The following SLC8A1 variants were observed in gnomAD, a reference collection of about 807,000 sequenced individuals.
SLC8A1 encodes the protein solute carrier family 8 member A1, also known as sodium/calcium exchanger 1.
In SLC8A1, 18 loss-of-function variants were observed where a neutral mutation model predicts 68.3. The ratio of observed to expected loss-of-function variants is 0.26; its 90% confidence interval spans 0.18 to 0.39. The LOEUF (loss-of-function observed/expected upper bound fraction) is 0.39, where lower values mean the gene tolerates loss of function less well. Ranked by LOEUF, SLC8A1 falls within the 10% of genes least tolerant of loss-of-function variation. The pLI is 1.00. For missense variants in SLC8A1, 985 were observed against 1,156.7 expected (o/e 0.85, Z 2.15); for synonymous variants, 475 against 415.5 (o/e 1.14, Z -1.74).
chr2:40,251,350 A>G (rs1350484505), intron 2 of SLC8A1: 1 of 152,154 alleles, frequency 6.6e-6, no homozygotes, highest in Non-Finnish European at 1.5e-5. Flanking sequence ...GCTGGCTGGC[A>G]ATACTGCTAA....
At chr2:40,447,159 T>G (rs1185511623) in intron 1 of SLC8A1, among the ~76,000 whole-genome samples, 2 of 152,210 alleles carry the variant, frequency 1.3e-5, no homozygotes, top group Non-Finnish European at 2.9e-5. Context: ...AAACCATTTG[T>G]CTGAATTGGT....
At chr2:40,333,522 A>G (rs144923801) in intron 2 of SLC8A1, among the ~76,000 whole-genome samples, 1 of 152,106 alleles carries the variant, frequency 6.6e-6, no homozygotes, top group East Asian at 1.9e-4. Context: ...GAGGTAACCA[A>G]TGTTATTGGG....
chr2:40,148,552 C>T (rs1365472455), intron 6 of SLC8A1, among the ~76,000 whole-genome samples: 1 of 152,112 alleles, frequency 6.6e-6, no homozygotes, highest in African/African-American at 2.4e-5. Context: ...GCTCAAGGCA[C>T]CCCTCATCTG....
intron 2 of SLC8A1, among the ~76,000 whole-genome samples, chr2:40,185,706 A>G (rs1489061856): frequency 1.3e-5 from 2 of 152,174 alleles, no homozygotes; most frequent in Admixed American, 1.3e-4. Context: ...GAGGACATAT[A>G]AAAACCCAAC....
chr2:40,164,712 C>T (rs2046257565), intron 5 of SLC8A1, 142 bp downstream of exon 8: 1 of 1,158,652 alleles, frequency 8.6e-7, no homozygotes, highest in Non-Finnish European at 1.2e-6. Context: ...AATTTGGCCC[C>T]AAAGGCTCTC....
intron 1 of SLC8A1, among the ~76,000 whole-genome samples, chr2:40,504,120 G>C (rs1385616315): frequency 1.3e-5 from 2 of 151,850 alleles, no homozygotes; most frequent in South Asian, 2.1e-4. Flanking sequence ...TAGACCAATG[G>C]AACAGAATAG....
chr2:40,179,286 A>T (rs1460737745), intron 2 of SLC8A1, among the ~76,000 whole-genome samples: 1 of 152,230 alleles, frequency 6.6e-6, no homozygotes, highest in African/African-American at 2.4e-5. Context: ...GAAACATGCC[A>T]TTTACACTAC....
chr2:40,376,182 T>G (rs935927686), intron 2 of SLC8A1, among the ~76,000 whole-genome samples: 4 of 152,108 alleles, frequency 2.6e-5, no homozygotes, highest in Non-Finnish European at 5.9e-5. Flanking sequence ...AGTTTGTGAC[T>G]TAACTGTTAA....
rs545920229 is a variant in SLC8A1, at chr2:40,330,512, C to A, written c.1808+97961G>T. 9.9e-5 allele frequency among the ~76,000 whole-genome samples: 15 copies of A among 152,146 alleles called. No homozygotes were observed. The South Asian group carries it at 2.5e-3, about 25-fold the overall frequency. On this transcript the variant is annotated intron_variant, in intron 2 of 7. Coordinates refer to ENST00000406785, the Ensembl canonical transcript of SLC8A1. The stretch of plus-strand genomic sequence containing the variant: ...AACTGGAAATACAAGAGTAGTATTC[C>A]TTTATGTTTTCTAATTAGTCATTTC...
chr2:40,223,002 G>A (rs1459695631), intron 2 of SLC8A1, among the ~76,000 whole-genome samples: 1 of 152,156 alleles, frequency 6.6e-6, no homozygotes, highest in Admixed American at 6.5e-5. Context: ...ATTTGACCTA[G>A]CAATCCCATT....
At chr2:40,361,949 G>A (rs887592919) in intron 2 of SLC8A1, among the ~76,000 whole-genome samples, 4 of 123,350 alleles carry the variant, frequency 3.2e-5, no homozygotes, top group African/African-American at 1.3e-4. Context: ...TTCCCAGGCA[G>A]GAGTGCAGTG....
In SLC8A1 at chr2:40,208,331, T is replaced by C. The variant is rs552225985; in HGVS notation, c.1809-30476A>G. ...GCTTTTTGCAAAAACAGATCTAAAA[T>C]CTCAGATATACACATGACAGATAAC... is the stretch of plus-strand genomic sequence containing the variant. On this transcript the variant is annotated intron_variant, in intron 2 of 7. Coordinates refer to ENST00000406785, the Ensembl canonical transcript of SLC8A1. 3 of 152,176 alleles carry C rather than the reference T, an allele frequency of 2.0e-5. No homozygotes were observed. The East Asian group carries it at 5.8e-4, about 29-fold the overall frequency. 9.4% of individuals were successfully genotyped at this position (152,176 alleles called of 1,614,324 possible). A position where few individuals can be genotyped will look rare whatever the true frequency, so the allele number is the denominator to read the frequency against.
chr2:40,227,826 T>G (rs1342347003), intron 2 of SLC8A1, among the ~76,000 whole-genome samples: 1 of 152,090 alleles, frequency 6.6e-6, no homozygotes, highest in East Asian at 1.9e-4. Flanking sequence ...CGGTGCTATA[T>G]ATGACCAACA....
At chr2:40,455,881 T>G (rs1178750282), upstream of SLC8A1, among the ~76,000 whole-genome samples, 1 of 152,208 alleles carries the variant, frequency 6.6e-6, no homozygotes, top group African/African-American at 2.4e-5. Flanking sequence ...TGGGGCAGCC[T>G]TCCTGGCAGA....
chr2:40,438,219 C>G (rs975077880), intron 1 of SLC8A1, among the ~76,000 whole-genome samples: 1 of 152,104 alleles, frequency 6.6e-6, no homozygotes, highest in African/African-American at 2.4e-5. Context: ...TAATTGTTCA[C>G]CACTAACCCT....
chr2:40,186,234 G>A (rs17025489), intron 2 of SLC8A1, among the ~76,000 whole-genome samples: 4,141 of 152,284 alleles, frequency 0.027, 213 homozygotes, highest in African/African-American at 0.094. Context: ...CAGTAGCTCT[G>A]TTCATATCAC....
At chr2:40,308,358 T>C (rs962754843) in intron 2 of SLC8A1, among the ~76,000 whole-genome samples, 3 of 152,108 alleles carry the variant, frequency 2.0e-5, no homozygotes, top group African/African-American at 7.2e-5. Flanking sequence ...ACTTCATTTG[T>C]TTTTTCTGCA....
intron 1 of SLC8A1, among the ~76,000 whole-genome samples, chr2:40,444,105 G>C (rs1366949494): frequency 6.6e-6 from 1 of 152,102 alleles, no homozygotes; most frequent in African/African-American, 2.4e-5. Context: ...GGGAGGCTGA[G>C]GAAGAACTGC....
chr2:40,494,640 A>AATATATAT lies in SLC8A1; in HGVS notation c.-25+17701_-25+17708dup, dbSNP rs34595267. On this transcript the variant is annotated intron_variant, in intron 1 of 7. Transcript: ENST00000402441. ...ACATGTACCCTAGAACTTAAAGTATAATATATATATATATATATATATATA... is the reference window on the plus strand; with the variant it reads ...ACATGTACCCTAGAACTTAAAGTATAATATATATATATATATATATATATATATATATA... Among the ~76,000 whole-genome samples, 389 of 92,462 alleles carry AATATATAT rather than the reference A, an allele frequency of 4.2e-3. 5 individuals are homozygous for AATATATAT. The highest frequency in any genetic ancestry group is 6.4e-3 in the South Asian group (14 of 2,202). 60.7% of individuals were successfully genotyped at this position (92,462 alleles called of 152,430 possible).
Sources: gnomAD v4.1 joint callset for allele counts (sites outside exome capture counted in the v4.1 genomes callset) on GRCh38, gnomAD v4.1.1 for gene constraint, MANE v1.5 for transcripts, NCBI Gene and HGNC (gene_info 2026-07-23, HGNC 2026-07-21) for gene names.